The following AGGF1 variants were observed in gnomAD, a reference collection of about 807,000 sequenced individuals.
The protein encoded by AGGF1 is angiogenic factor with G patch and FHA domains 1.
A neutral mutation model predicts 86.5 loss-of-function variants in AGGF1; 56 were observed. That is an observed-to-expected ratio of 0.65 (90% CI 0.52 to 0.81). AGGF1 has a LOEUF of 0.81. AGGF1 is among the 30% of genes least tolerant of loss of function. The probability of loss-of-function intolerance (pLI) is 0.00; values close to 1 mark genes in which losing one functional copy is unlikely to be tolerated. For synonymous variants in AGGF1, 313 were observed against 297.1 expected, an observed-to-expected ratio of 1.05 and a Z score of -0.55; for missense variants, 816 against 850.9, an observed-to-expected ratio of 0.96 and a Z score of 0.51.
At chr5:77,042,645 A>C (rs1322254570) in intron 5 of AGGF1, among the ~76,000 whole-genome samples, 2 of 27,824 alleles carry the variant, frequency 7.2e-5, no homozygotes, top group African/African-American at 1.1e-4. Context: ...TGACCCCCCC[A>C]CCTCCATCCC....
intron 5 of AGGF1, among the ~76,000 whole-genome samples, chr5:77,045,842 T>C (rs1365697984): frequency 6.6e-6 from 1 of 152,242 alleles, no homozygotes; most frequent in Non-Finnish European, 1.5e-5. Context: ...AACTCAAATG[T>C]GCTGTTAAGT....
At position 77,053,913 on chromosome 5, in the gene AGGF1, T is replaced by G. The variant is rs1218826131; in HGVS notation, c.1468-52T>G. ...GACATTACTTACAGTAGATGTAAGG[T>G]AACCATAAGTGATTGTTTTGATTTC... On this transcript the variant is annotated intron_variant, in intron 9 of 13. Transcript: ENST00000312916. 8 of 1,561,920 alleles carry G rather than the reference T, an allele frequency of 5.1e-6. No homozygotes were observed. The East Asian group carries it at 1.3e-4, about 26-fold the overall frequency.
chr5:77,040,130 C>G (rs1747045328), intron 5 of AGGF1, among the ~76,000 whole-genome samples: 1 of 144,276 alleles, frequency 6.9e-6, no homozygotes, highest in East Asian at 2.0e-4. Flanking sequence ...TTTTTTGAGA[C>G]AGAGTTTCAC....
chr5:77,046,765 A>T, intron 6 of AGGF1, 88 bp downstream of exon 6: 1 of 1,224,868 alleles, frequency 8.2e-7, no homozygotes, highest in Non-Finnish European at 1.2e-6. Flanking sequence ...GAGTTGTAGT[A>T]TATCTGCCAG....
In AGGF1 at chr5:77,063,354, C is replaced by T; in HGVS notation, c.*102C>T. ...TCAGCAGCACAGGGGAACTATGTCA[C>T]AGTTTACCTCTTCCTGATTCAGAAA... On this transcript the variant is annotated 3_prime_UTR_variant, in exon 14 of 14. Transcript: ENST00000312916. 1 of 1,158,074 alleles carries T rather than the reference C, an allele frequency of 8.6e-7. No homozygotes were observed. Among genetic ancestry groups the T allele is most frequent in the Non-Finnish European group, 1.2e-6 (1 of 807,892 alleles). The allele number at this position is 1,158,074 out of a possible 1,614,324, so 71.7% of individuals were successfully genotyped here. A position where few individuals can be genotyped will look rare whatever the true frequency, so the allele number is the denominator to read the frequency against.
At chr5:77,050,641 T>C (rs1487466030) in intron 8 of AGGF1, among the ~76,000 whole-genome samples, 1 of 152,194 alleles carries the variant, frequency 6.6e-6, no homozygotes, top group African/African-American at 2.4e-5. Flanking sequence ...AACAAGTATT[T>C]GACCACTAGA....
intron 5 of AGGF1, among the ~76,000 whole-genome samples, chr5:77,040,737 T>G (rs1043916320): frequency 1.3e-5 from 2 of 152,268 alleles, no homozygotes; most frequent in African/African-American, 4.8e-5. Context: ...ATTGATATTT[T>G]ATGAACTGTG....
intron 5 of AGGF1, 124 bp downstream of exon 5, chr5:77,039,843 C>T: frequency 1.2e-6 from 1 of 820,896 alleles, no homozygotes; most frequent in Non-Finnish European, 1.9e-6. Context: ...TTAAGATAAC[C>T]TAGGAAAGTT....
chr5:77,043,390 G>T (rs1480254406), intron 5 of AGGF1, among the ~76,000 whole-genome samples: 5 of 63,746 alleles, frequency 7.8e-5, no homozygotes, highest in Non-Finnish European at 1.7e-4. Context: ...CGGACGGGGC[G>T]GCTGGCCGGG....
In AGGF1 at chr5:77,050,306, C is replaced by CTT. The variant is rs10595061; in HGVS notation, c.1365+1347_1365+1348dup. Among the ~76,000 whole-genome samples, 29 of 76,560 alleles carry CTT rather than the reference C, an allele frequency of 3.8e-4. 1 individual carries two copies. The highest frequency in any genetic ancestry group is 8.7e-4 in the African/African-American group (15 of 17,292). The allele number at this position is 76,560 out of a possible 152,430, so 50.2% of individuals were successfully genotyped here. On this transcript the variant is annotated intron_variant, in intron 8 of 13. Coordinates refer to ENST00000312916, the MANE Select transcript of AGGF1 (RefSeq NM_018046.5). Reference sequence around the variant, plus strand: ...GGTGGCTTTTTCTTTTTCTTTGTTTCTTTTTTTTTTTTTTTTTTTTTTTTT... The same window carrying CTT: ...GGTGGCTTTTTCTTTTTCTTTGTTTCTTTTTTTTTTTTTTTTTTTTTTTTTTT...
chr5:77,030,688 T>C lies in AGGF1; in HGVS notation c.-79T>C. On this transcript the variant is annotated 5_prime_UTR_variant, in exon 1 of 14. Transcript: ENST00000312916. ...GCCTTTCGCTGCCCGCGCGCTCCAG[T>C]GGTCTCTGGGTCCGCCGGCGTCCGT... 1 of 1,481,672 alleles carries C rather than the reference T, an allele frequency of 6.7e-7. No individual in the cohort carries two copies. The highest frequency in any genetic ancestry group is 9.1e-7 in the Non-Finnish European group (1 of 1,102,234). 91.8% of individuals were successfully genotyped at this position (1,481,672 alleles called of 1,614,324 possible). A position where few individuals can be genotyped will look rare whatever the true frequency, so the allele number is the denominator to read the frequency against.
intron 5 of AGGF1, 27 bp from the exon 6 acceptor site, chr5:77,046,320 C>T: frequency 5.1e-6 from 8 of 1,566,736 alleles, no homozygotes; most frequent in Non-Finnish European, 6.2e-6. Flanking sequence ...CTCCCCTGTT[C>T]CCTCGTATCT....
intron 2 of AGGF1, among the ~76,000 whole-genome samples, chr5:77,034,771 A>G (rs138469004): frequency 1.6e-3 from 245 of 152,328 alleles, no homozygotes; most frequent in African/African-American, 5.6e-3. Flanking sequence ...CTCACTGAGT[A>G]ATTTTTGGCA....
chr5:77,041,795 TTA>T (rs1747089401), intron 5 of AGGF1, among the ~76,000 whole-genome samples: 2 of 130,862 alleles, frequency 1.5e-5, no homozygotes, highest in African/African-American at 2.7e-5. Context: ...TTTTATTTAT[TTA>T]TTTATTTATT....
chr5:77,039,166 T>A (rs1015931974), intron 4 of AGGF1, among the ~76,000 whole-genome samples: 2 of 152,112 alleles, frequency 1.3e-5, no homozygotes, highest in Admixed American at 1.3e-4. Context: ...GTCAGCTTTT[T>A]CTTATGCTTG....
In AGGF1 at chr5:77,059,632, A is replaced by G; in HGVS notation, c.1733A>G (p.Asp578Gly). The change falls in exon 12 of 14, where the codon GAT becomes GGT. Residue 578 changes from aspartate (D) to glycine (G), a missense_variant. Around this residue, in one of 3 missense-constraint regions of AGGF1, gnomAD observed 565 missense variants for 585.8 expected, o/e 0.96. Coordinates refer to ENST00000312916, the MANE Select transcript of AGGF1 (RefSeq NM_018046.5). ...TTTATTAAGAATACAGAATACGAAG[A>G]TGAAAAGACATTGAAGAATCCAAAA... ...KYGLQNTEYE[D>G]EKTLKNPKYK... 6.2e-7 allele frequency: 1 copy of G among 1,607,618 alleles called. No homozygotes were observed. The highest frequency in any genetic ancestry group is 1.1e-5 in the South Asian group (1 of 90,894).
chr5:77,032,624 A>G (rs1561282794), intron 1 of AGGF1, among the ~76,000 whole-genome samples: 1 of 151,040 alleles, frequency 6.6e-6, no homozygotes, highest in Middle Eastern at 3.4e-3. Context: ...CCTTTTTTAC[A>G]TGACAGCCTT....
intron 1 of AGGF1, among the ~76,000 whole-genome samples, chr5:77,033,745 T>C (rs1011460247): frequency 1.4e-4 from 21 of 152,238 alleles, no homozygotes; most frequent in Admixed American, 5.9e-4. Context: ...TTGTCTCACA[T>C]TGAGGTCCTC....
intron 12 of AGGF1, 145 bp downstream of exon 12, chr5:77,059,888 C>G (rs1252074285): frequency 3.7e-6 from 4 of 1,082,876 alleles, no homozygotes; most frequent in Non-Finnish European, 5.4e-6. Flanking sequence ...GTCGCCCAGG[C>G]TGGAGTGCAG....
Sources: allele counts gnomAD v4.1 joint callset (sites outside exome capture counted in the v4.1 genomes callset), GRCh38; gene constraint gnomAD v4.1.1; regional missense constraint gnomAD v4.1.1; transcripts MANE v1.5; gene names NCBI Gene and HGNC (gene_info 2026-07-23, HGNC 2026-07-21).